KRABD5: variants seen among roughly 807,000 people sequenced by gnomAD.
KRABD5 encodes the protein KRAB domain containing 5.
the KRABD5 span, among the ~76,000 whole-genome samples, chr16:31,750,335 C>T: frequency 3.3e-5 from 5 of 152,196 alleles, no homozygotes; most frequent in African/African-American, 1.2e-4. Context: ...ATTTGGCACT[C>T]AGCTTGCATG....
At chr16:31,753,938 T>C in the KRABD5 span, 1 of 1,550,740 alleles carries the variant, frequency 6.4e-7, no homozygotes, top group African/African-American at 1.4e-5. Context: ...ATGATGGACA[T>C]ACAAAATGTA....
the KRABD5 span, among the ~76,000 whole-genome samples, chr16:31,743,613 T>C: frequency 6.6e-6 from 1 of 152,196 alleles, no homozygotes; most frequent in Non-Finnish European, 1.5e-5. Flanking sequence ...GGGGTCTTCT[T>C]TGATTCCATA....
the KRABD5 span, among the ~76,000 whole-genome samples, chr16:31,719,223 G>T: frequency 1.2e-4 from 18 of 152,210 alleles, no homozygotes; most frequent in Non-Finnish European, 2.2e-4. Flanking sequence ...CTTGATTTGG[G>T]ACACTGTCCT....
At chr16:31,739,489 C>T in the KRABD5 span, among the ~76,000 whole-genome samples, 11 of 151,140 alleles carry the variant, frequency 7.3e-5, no homozygotes, top group East Asian at 3.9e-4. Context: ...TCTCTTTGTT[C>T]GTAACTTTTG....
chr16:31,724,425 C>T, the KRABD5 span, among the ~76,000 whole-genome samples: 3 of 151,732 alleles, frequency 2.0e-5, no homozygotes, highest in Admixed American at 6.6e-5. Context: ...CGGTGGCTCA[C>T]GCCTGTAATC....
chr16:31,753,114 C>T, the KRABD5 span, among the ~76,000 whole-genome samples: 2 of 152,128 alleles, frequency 1.3e-5, no homozygotes, highest in Non-Finnish European at 2.9e-5. Flanking sequence ...AACTGATACC[C>T]ATCAGGTACT....
chr16:31,724,684 A>G, the KRABD5 span, among the ~76,000 whole-genome samples: 2 of 128,566 alleles, frequency 1.6e-5, no homozygotes, highest in Admixed American at 7.8e-5. Context: ...AGAGAGCAAG[A>G]CTCCGTCTCA....
chr16:31,735,353 A>G, the KRABD5 span, among the ~76,000 whole-genome samples: 1 of 152,130 alleles, frequency 6.6e-6, no homozygotes, highest in African/African-American at 2.4e-5. Context: ...TGGCTGTTAT[A>G]AAGAGTGCTG....
chr16:31,713,325 C>A, the KRABD5 span: 1 of 1,494,032 alleles, frequency 6.7e-7, no homozygotes, highest in Non-Finnish European at 9.1e-7. Context: ...ATCTGGGAGG[C>A]CAAGGCGGCT....
chr16:31,757,398 T>A, the KRABD5 span: 1 of 152,118 alleles, frequency 6.6e-6, no homozygotes, highest in Non-Finnish European at 1.5e-5. Flanking sequence ...ACTGAGGAGA[T>A]GAAGGTTACA....
the KRABD5 span, chr16:31,754,411 G>A: frequency 6.4e-6 from 4 of 620,258 alleles, no homozygotes; most frequent in African/African-American, 3.7e-5. Context: ...CAGCCTTTAG[G>A]CAGGACTATA....
At chr16:31,753,000 A>G in the KRABD5 span, among the ~76,000 whole-genome samples, 6 of 152,100 alleles carry the variant, frequency 3.9e-5, no homozygotes, top group Non-Finnish European at 8.8e-5. Context: ...TTATTGAGCC[A>G]TGTGTTTTGG....
the KRABD5 span, among the ~76,000 whole-genome samples, chr16:31,726,339 T>C: frequency 6.6e-6 from 1 of 152,224 alleles, no homozygotes; most frequent in Non-Finnish European, 1.5e-5. Flanking sequence ...TATATGTCTT[T>C]TTAGGTCAAT....
chr16:31,720,625 C>A, the KRABD5 span, among the ~76,000 whole-genome samples: 3 of 152,294 alleles, frequency 2.0e-5, no homozygotes, highest in South Asian at 6.2e-4. Context: ...CACTAATATA[C>A]AACGATTATG....
the KRABD5 span, chr16:31,713,368 C>G: frequency 3.2e-6 from 5 of 1,583,064 alleles, no homozygotes; most frequent in Non-Finnish European, 4.3e-6. Flanking sequence ...ACCTCTGTTA[C>G]TCTGTGACCG....
chr16:31,749,706 C>T, the KRABD5 span, among the ~76,000 whole-genome samples: 2 of 152,222 alleles, frequency 1.3e-5, no homozygotes, highest in Non-Finnish European at 2.9e-5. Context: ...CTCTCCTCCC[C>T]TGTGTGGCTC....
chr16:31,730,411 A>C, the KRABD5 span, among the ~76,000 whole-genome samples: 2 of 152,136 alleles, frequency 1.3e-5, no homozygotes, highest in Non-Finnish European at 2.9e-5. Flanking sequence ...CTGCTAAAAA[A>C]TCTACTGATA....
chr16:31,745,148 T>C, the KRABD5 span, among the ~76,000 whole-genome samples: 1 of 152,224 alleles, frequency 6.6e-6, no homozygotes, highest in Admixed American at 6.5e-5. Flanking sequence ...TGGTTATTTC[T>C]TGTCTTCTGC....
the KRABD5 span, among the ~76,000 whole-genome samples, chr16:31,727,862 T>G: frequency 6.6e-6 from 1 of 151,918 alleles, no homozygotes; most frequent in Admixed American, 6.6e-5. Flanking sequence ...TTTTATGTAT[T>G]TATTTATTTA....
Sources: gnomAD v4.1 joint callset for allele counts (sites outside exome capture counted in the v4.1 genomes callset) on GRCh38, gnomAD v4.1.1 for gene constraint, MANE v1.5 for transcripts, NCBI Gene and HGNC (gene_info 2026-07-23, HGNC 2026-07-21) for gene names.